Variants in PIK3R6 observed in about 807,000 individuals in gnomAD.
The protein encoded by PIK3R6 is phosphoinositide 3-kinase regulatory subunit 6.
In PIK3R6, 91 loss-of-function variants were observed where a neutral mutation model predicts 84.9. That is an observed-to-expected ratio of 1.07 (90% CI 0.90 to 1.28). The LOEUF is 1.28. Among genes scored for constraint, PIK3R6 ranks in the 50% most tolerant of loss-of-function variants. PIK3R6 has a pLI of 0.00. For synonymous variants in PIK3R6, 416 were observed against 411.4 expected (o/e 1.01, Z -0.13); for missense variants, 996 against 985.1 (o/e 1.01, Z -0.15).
chr17:8,828,433 C>T, intron 11 of PIK3R6, 134 bp downstream of exon 11: 1 of 1,184,368 alleles, frequency 8.4e-7, no homozygotes, highest in Non-Finnish European at 1.2e-6. Flanking sequence ...CACTGTGCGG[C>T]ATCCTCCTCC....
chr17:8,827,763 GGAGAGAGAGA>G (rs199969342), intron 12 of PIK3R6, among the ~76,000 whole-genome samples: 543 of 34,818 alleles, frequency 0.016, 19 homozygotes, highest in East Asian at 0.15. Context: ...GAGAGAGAGA[GGAGAGAGAGA>G]GAGAGAGAGA....
intron 2 of PIK3R6, among the ~76,000 whole-genome samples, chr17:8,847,285 C>T (rs2088835394): frequency 6.6e-6 from 1 of 152,184 alleles, no homozygotes; most frequent in African/African-American, 2.4e-5. Context: ...CAGCCTACAC[C>T]TGATCCTCCT....
intron 9 of PIK3R6, among the ~76,000 whole-genome samples, 188 bp from the exon 10 acceptor site, chr17:8,829,980 T>C (rs2088177900): frequency 6.6e-6 from 1 of 152,184 alleles, no homozygotes; most frequent in African/African-American, 2.4e-5. Context: ...AGCTGTCCCC[T>C]CCCTGTCCAA....
In PIK3R6 at chr17:8,823,640, C is replaced by T. The variant is rs188733880; in HGVS notation, c.1516-143G>A. The T allele has an allele frequency of 1.4e-5, 9 of 630,306 alleles. No homozygotes were observed. In the East Asian group the frequency reaches 2.5e-4, roughly 17 times the overall value. The allele number at this position is 630,306 out of a possible 1,614,324, so 39.0% of individuals were successfully genotyped here. A position where few individuals can be genotyped will look rare whatever the true frequency, so the allele number is the denominator to read the frequency against. ...GTCCTTCAACACATTCCAAACCTTT[C>T]CTACCACTGAATTTCCACTCCCAAT... is the stretch of plus-strand genomic sequence containing the variant. On this transcript the variant is annotated intron_variant, in intron 13 of 19. Transcript: ENST00000619866.
intron 2 of PIK3R6, among the ~76,000 whole-genome samples, chr17:8,841,176 A>C (rs935538340): frequency 2.6e-5 from 4 of 152,048 alleles, no homozygotes; most frequent in African/African-American, 9.7e-5. Flanking sequence ...CCCCGCCCCA[A>C]GTATAAAGCT....
Position 8,807,712 on chromosome 17 carries a change from G to A in PIK3R6, c.1996-3559C>T, listed in dbSNP as rs535247372. On this transcript the variant is annotated intron_variant, in intron 18 of 19. Transcript: ENST00000619866. ...CAACACATGGTGGGAAGAGCCTCCA[G>A]GGAGTGCCCAAAGCTGCAGATGGAG... is the stretch of plus-strand genomic sequence containing the variant. Among the ~76,000 whole-genome samples the A allele has an allele frequency of 2.6e-5, 4 of 152,298 alleles. No homozygotes were observed. In the South Asian group the frequency reaches 8.3e-4, roughly 32 times the overall value.
intron 17 of PIK3R6, 137 bp downstream of exon 17, chr17:8,821,709 G>A: frequency 2.2e-6 from 2 of 908,972 alleles, no homozygotes; most frequent in East Asian, 2.7e-5. Context: ...CAACTTGAAG[G>A]CAGTCACCAA....
rs558067137 is a variant in PIK3R6, at chr17:8,818,643, C to T, written c.1995+440G>A. On this transcript the variant is annotated intron_variant, in intron 18 of 19. Transcript: ENST00000619866. ...CAGCCTGGGTGACAGAGTAAGACTC[C>T]GTCTTGAGGAAAAAAAAAATTGTTG... is the stretch of plus-strand genomic sequence containing the variant. Among the ~76,000 whole-genome samples the T allele has an allele frequency of 4.6e-5, 7 of 151,842 alleles. No individual in the cohort carries two copies. The East Asian group carries it at 5.8e-4, about 13-fold the overall frequency.
intron 7 of PIK3R6, 45 bp downstream of exon 7, chr17:8,836,502 C>T (rs1226504075): frequency 3.1e-6 from 5 of 1,602,490 alleles, no homozygotes; most frequent in Middle Eastern, 3.3e-4. Context: ...AAAGCCACAA[C>T]AGTTTTAGGA....
chr17:8,807,758 G>C (rs2151172339), intron 18 of PIK3R6, among the ~76,000 whole-genome samples: 1 of 152,292 alleles, frequency 6.6e-6, no homozygotes, highest in East Asian at 1.9e-4. Flanking sequence ...GTGAAGCTAT[G>C]CAACACTGAA....
intron 18 of PIK3R6, among the ~76,000 whole-genome samples, chr17:8,813,313 CA>C (rs770412192): frequency 6.6e-6 from 1 of 152,038 alleles, no homozygotes; most frequent in African/African-American, 2.4e-5. Context: ...TGGAATTCTA[CA>C]AGACATACAA....
chr17:8,843,279 C>G (rs1376714877), intron 2 of PIK3R6, among the ~76,000 whole-genome samples: 2 of 152,058 alleles, frequency 1.3e-5, no homozygotes. Context: ...TCTCTCCTCC[C>G]TCCTTCTCTC....
rs559974462 is a variant in PIK3R6, at chr17:8,835,389, C to G, written c.529G>C (p.Glu177Gln). The stretch of plus-strand genomic sequence containing the variant: ...GGTGTCTGCTGCGCCTGGGCCGCCT[C>G]GATCTCCAGTAGCAGAGCACTGCAC... ...SVCSALLLEIEAAQAQQTPET... is the reference protein window; with the variant it reads ...SVCSALLLEIQAAQAQQTPET... The change falls in exon 8 of 20, where the codon GAG (glutamate) becomes CAG (glutamine). Residue 177 changes from glutamate (E) to glutamine (Q), a missense_variant. Coordinates refer to ENST00000619866, the MANE Select transcript of PIK3R6 (RefSeq NM_001010855.4). 6.8e-6 allele frequency: 11 copies of G among 1,612,042 alleles called. No individual in the cohort carries two copies. In the East Asian group the frequency reaches 2.5e-4, roughly 36 times the overall value.
At chr17:8,819,043 C>T (rs928411681) in intron 18 of PIK3R6, 40 bp downstream of exon 18, 10 of 1,454,356 alleles carry the variant, frequency 6.9e-6, no homozygotes, top group Non-Finnish European at 9.4e-6. Flanking sequence ...ACTGCTGTCC[C>T]AGCTGGCTGT....
At chr17:8,807,147 T>C (rs195770) in intron 18 of PIK3R6, among the ~76,000 whole-genome samples, 59,956 of 151,998 alleles carry the variant, frequency 0.39, 12,690 homozygotes, top group African/African-American at 0.54. Flanking sequence ...CAATATGGGG[T>C]TGCCCTATAC....
rs533319983 is a variant in PIK3R6 at position 8,827,431 on chromosome 17, G to A, written c.1393-137C>T. 15 of 1,063,280 alleles carry A rather than the reference G, an allele frequency of 1.4e-5. No individual in the cohort carries two copies. In the East Asian group the frequency reaches 2.2e-4, roughly 16 times the overall value. 65.9% of individuals were successfully genotyped at this position (1,063,280 alleles called of 1,614,324 possible). A position where few individuals can be genotyped will look rare whatever the true frequency, so the allele number is the denominator to read the frequency against. On this transcript the variant is annotated intron_variant, in intron 12 of 19. Coordinates refer to ENST00000619866, the MANE Select transcript of PIK3R6 (RefSeq NM_001010855.4). ...CATGAATTTCTGCATGTGAAGACAC[G>A]TCGTTGTTCTGTTTTATAAACTCAG... is the stretch of plus-strand genomic sequence containing the variant.
intron 2 of PIK3R6, among the ~76,000 whole-genome samples, chr17:8,848,862 A>G (rs1323195336): frequency 2.0e-5 from 3 of 152,152 alleles, no homozygotes; most frequent in African/African-American, 7.2e-5. Flanking sequence ...ATGGATGTCA[A>G]AAGAATTTAT....
intron 1 of PIK3R6, among the ~76,000 whole-genome samples, chr17:8,863,566 G>A (rs1027178809): frequency 1.3e-5 from 2 of 151,318 alleles, no homozygotes; most frequent in African/African-American, 4.9e-5. Flanking sequence ...ACAGAGTTTC[G>A]CTCTGTCACC....
rs182798091 is a variant in PIK3R6 at position 8,818,092 on chromosome 17, G to T, written c.1995+991C>A. Among the ~76,000 whole-genome samples, 445 of 152,336 alleles carry T rather than the reference G, an allele frequency of 2.9e-3. 5 individuals are homozygous for T. The highest frequency in any genetic ancestry group is 0.01 in the African/African-American group (429 of 41,572). ...TGAGTGATCCCAAGGATCCGCGTGA[G>T]CGGGAGGTCATGAGTTTGCTGTGGA... On this transcript the variant is annotated intron_variant, in intron 18 of 19. Transcript: ENST00000619866.
Sources: allele counts gnomAD v4.1 joint callset (sites outside exome capture counted in the v4.1 genomes callset), GRCh38; gene constraint gnomAD v4.1.1; transcripts MANE v1.5; gene names NCBI Gene and HGNC (gene_info 2026-07-23, HGNC 2026-07-21).